The following TAOK3 variants were observed in gnomAD, a reference collection of about 807,000 sequenced individuals.
The protein encoded by TAOK3 is serine/threonine-protein kinase TAO3.
Under a neutral mutation model 120.4 loss-of-function variants are expected in TAOK3, and 40 were observed. That is an observed-to-expected ratio of 0.33 (90% CI 0.26 to 0.43). The LOEUF (loss-of-function observed/expected upper bound fraction) is 0.43, where lower values mean the gene tolerates loss of function less well. TAOK3 is among the 20% of genes least tolerant of loss of function. The pLI is 1.00. For synonymous variants in TAOK3, 355 were observed against 387.5 expected, an observed-to-expected ratio of 0.92 and a Z score of 0.99; for missense variants, 821 against 1,112.1, an observed-to-expected ratio of 0.74 and a Z score of 3.72.
rs1008374195 is a variant in TAOK3, at chr12:118,371,430, C to T, written c.-194+1218G>A. Among the ~76,000 whole-genome samples, 1 of 152,154 alleles carries T rather than the reference C, an allele frequency of 6.6e-6. No homozygotes were observed. The highest frequency in any genetic ancestry group is 1.5e-5 in the Non-Finnish European group (1 of 68,016). On this transcript the variant is annotated intron_variant, in intron 1 of 20. Coordinates refer to ENST00000392533, the MANE Select transcript of TAOK3 (RefSeq NM_016281.4). The surrounding 1 kb of genome is among the most constrained non-coding windows in gnomAD (Gnocchi z 5.5). ...AGGCCGCGCAGGTCTCTTGATCATT[C>T]CAAGATCTTTGTCCTGCAGCCAGCC...
chr12:118,292,459 A>G (rs1207313787), intron 1 of TAOK3, among the ~76,000 whole-genome samples: 1 of 152,160 alleles, frequency 6.6e-6, no homozygotes, highest in African/African-American at 2.4e-5. Context: ...CATCATCACC[A>G]CACTAACATT....
At position 118,161,905 on chromosome 12, in the gene TAOK3, C is replaced by T. The variant is rs2138405347; in HGVS notation, c.2022G>A (p.Leu674=). The change falls in exon 18 of 21, where the codon CTG becomes CTA. Residue 674 remains leucine, a synonymous_variant. Coordinates refer to ENST00000392533, the MANE Select transcript of TAOK3 (RefSeq NM_016281.4). This position sits in a 1 kb window ranked among gnomAD's most constrained non-coding sequence, Gnocchi z 4.5. ...GTTCCGTCTGGTGCTGTAAACGGAT[C>T]AGATCCATGCGTAGCTTCTGTAACG... ...LHTLQKLRMD[L]IRLQHQTELE... is the part of the protein sequence containing the mutation. 6.2e-7 allele frequency: 1 copy of T among 1,614,142 alleles called. No individual in the cohort carries two copies.
chr12:118,274,033 C>A (rs1366201768), intron 1 of TAOK3, among the ~76,000 whole-genome samples: 1 of 151,798 alleles, frequency 6.6e-6, no homozygotes, highest in Non-Finnish European at 1.5e-5. Flanking sequence ...TTTTCGAAGT[C>A]ACATAGTTAG....
At position 118,160,364 on chromosome 12, in the gene TAOK3, T is replaced by C; in HGVS notation, c.2140-6A>G. 6.2e-7 allele frequency: 1 copy of C among 1,611,318 alleles called. No individual in the cohort carries two copies. The highest frequency in any genetic ancestry group is 8.5e-7 in the Non-Finnish European group (1 of 1,178,462). ...TTAATTTGCATTTCCATGGCCTGGG[T>C]AGAAAAAGTGACAAAGGAAAAATAA... On this transcript the variant is annotated splice_polypyrimidine_tract_variant and splice_region_variant and intron_variant, in intron 18 of 20. Coordinates refer to ENST00000392533, the MANE Select transcript of TAOK3 (RefSeq NM_016281.4). This position sits in a 1 kb window ranked among gnomAD's most constrained non-coding sequence, Gnocchi z 4.2.
chr12:118,206,423 C>A (rs977151262), intron 11 of TAOK3, among the ~76,000 whole-genome samples: 2 of 152,144 alleles, frequency 1.3e-5, no homozygotes, highest in Non-Finnish European at 2.9e-5. Flanking sequence ...CTTTTACAGC[C>A]AGGTTCCTGC....
intron 13 of TAOK3, among the ~76,000 whole-genome samples, chr12:118,197,878 G>T (rs1164318182): frequency 6.6e-6 from 1 of 151,702 alleles, no homozygotes; most frequent in Non-Finnish European, 1.5e-5. Flanking sequence ...TAGTAGAGAC[G>T]GGGTTTCACC....
chr12:118,205,842 C>T (rs1420081676), intron 11 of TAOK3, among the ~76,000 whole-genome samples: 1 of 151,810 alleles, frequency 6.6e-6, no homozygotes, highest in Non-Finnish European at 1.5e-5. Context: ...AACTCCTGAC[C>T]TTAGGTGATC....
chr12:118,174,089 C>T (rs914566748), intron 16 of TAOK3, among the ~76,000 whole-genome samples: 3 of 152,142 alleles, frequency 2.0e-5, no homozygotes, highest in Non-Finnish European at 4.4e-5. Context: ...CCATTAACCA[C>T]TAGACTGCAG....
chr12:118,290,431 C>G (rs1012540155), intron 1 of TAOK3, among the ~76,000 whole-genome samples: 12 of 152,182 alleles, frequency 7.9e-5, no homozygotes, highest in African/African-American at 2.7e-4. Context: ...TGACTGTCCC[C>G]TAAGCTAGGG....
intron 1 of TAOK3, among the ~76,000 whole-genome samples, chr12:118,324,090 G>T (rs781101800): frequency 1.3e-5 from 2 of 152,252 alleles, no homozygotes; most frequent in African/African-American, 4.8e-5. Flanking sequence ...AAATCTGGAA[G>T]ATGGAGGGGA....
intron 1 of TAOK3, among the ~76,000 whole-genome samples, chr12:118,363,330 T>C (rs2045656714): frequency 6.6e-6 from 1 of 152,120 alleles, no homozygotes; most frequent in Non-Finnish European, 1.5e-5. Flanking sequence ...TATGTATAAT[T>C]ATATTTAAAT....
chr12:118,317,319 T>A (rs1182623352), intron 1 of TAOK3, among the ~76,000 whole-genome samples: 3 of 149,142 alleles, frequency 2.0e-5, no homozygotes, highest in Admixed American at 1.3e-4. Flanking sequence ...TTTTTTTTTT[T>A]AGACAGTCTT....
chr12:118,319,561 AAAG>A (rs1410643383), intron 1 of TAOK3, among the ~76,000 whole-genome samples: 1 of 152,196 alleles, frequency 6.6e-6, no homozygotes, highest in African/African-American at 2.4e-5. Context: ...CCATTTACTC[AAAG>A]AAGATGTACA....
chr12:118,344,130 GTTTC>G lies in TAOK3; in HGVS notation c.-194+28514_-194+28517del, dbSNP rs143302619. 3.4e-4 allele frequency among the ~76,000 whole-genome samples: 52 copies of G among 150,888 alleles called. No individual in the cohort carries two copies. In the East Asian group the frequency reaches 9.5e-3, roughly 28 times the overall value. ...TTGGCAATGGTCTGACTTCAATGCT[GTTTC>G]TTTTATTGTTTAGATTGACTTCATT... On this transcript the variant is annotated intron_variant, in intron 1 of 20. Coordinates refer to ENST00000392533, the MANE Select transcript of TAOK3 (RefSeq NM_016281.4).
At chr12:118,197,816 T>C (rs2037808643) in intron 13 of TAOK3, among the ~76,000 whole-genome samples, 1 of 150,658 alleles carries the variant, frequency 6.6e-6, no homozygotes, top group Admixed American at 6.7e-5. Flanking sequence ...GCCTCCCGAG[T>C]AGCTGGGACT....
intron 5 of TAOK3, among the ~76,000 whole-genome samples, chr12:118,242,498 A>G (rs2040296066): frequency 6.6e-6 from 1 of 152,230 alleles, no homozygotes; most frequent in Admixed American, 6.5e-5. Context: ...AAAAGTAGAA[A>G]GCATAACATT....
rs778937541 is a variant in TAOK3 at position 118,212,906 on chromosome 12, A to G, written c.819+8T>C. 1.8e-5 allele frequency: 29 copies of G among 1,593,112 alleles called. 2 individuals carry two copies. The highest frequency in any genetic ancestry group is 3.3e-4 in the Middle Eastern group (2 of 5,976). ...TCCCCCTCCTCAAATATAAATTTGAAAAATTACCCTTAATAGTTCTGCTGA... is the reference window on the plus strand; with the variant it reads ...TCCCCCTCCTCAAATATAAATTTGAGAAATTACCCTTAATAGTTCTGCTGA... On this transcript the variant is annotated splice_region_variant and intron_variant, in intron 11 of 20. Transcript: ENST00000392533.
At chr12:118,175,378 G>A (rs2036257775) in intron 16 of TAOK3, among the ~76,000 whole-genome samples, 2 of 152,116 alleles carry the variant, frequency 1.3e-5, no homozygotes, top group Admixed American at 1.3e-4. Context: ...TGTAATCTCA[G>A]CACTTTGGGA....
intron 19 of TAOK3, among the ~76,000 whole-genome samples, chr12:118,155,762 A>G (rs936320373): frequency 6.6e-6 from 1 of 151,994 alleles, no homozygotes; most frequent in African/African-American, 2.4e-5. Context: ...TAAGAGTCCC[A>G]GTCTTGTTCT....
Sources: allele counts gnomAD v4.1 joint callset (sites outside exome capture counted in the v4.1 genomes callset), GRCh38; gene constraint gnomAD v4.1.1; non-coding constraint Gnocchi (gnomAD v3.1); transcripts MANE v1.5; gene names NCBI Gene and HGNC (gene_info 2026-07-23, HGNC 2026-07-21).